TRIM37: variants seen among roughly 807,000 people sequenced by gnomAD.
The protein encoded by TRIM37 is E3 ubiquitin-protein ligase TRIM37.
A neutral mutation model predicts 129.8 loss-of-function variants in TRIM37; 80 were observed. The observed-to-expected ratio is 0.62, with a 90% CI of 0.51 to 0.74. The LOEUF (loss-of-function observed/expected upper bound fraction) is 0.74, where lower values mean the gene tolerates loss of function less well. Among genes scored for constraint, TRIM37 ranks in the 30% least tolerant of loss-of-function variants. TRIM37 has a pLI of 0.00. For missense variants in TRIM37, 1,054 were observed against 1,176.5 expected, an observed-to-expected ratio of 0.90 and a Z score of 1.52; for synonymous variants, 389 against 387.1, an observed-to-expected ratio of 1.00 and a Z score of -0.06.
chr17:59,102,885 T>C (rs2045636978), intron 2 of TRIM37, among the ~76,000 whole-genome samples: 1 of 152,220 alleles, frequency 6.6e-6, no homozygotes, highest in South Asian at 2.1e-4. Flanking sequence ...AAATTTTTTT[T>C]TTTTTTGAGA....
chr17:59,031,831 G>A lies in TRIM37; in HGVS notation c.1948+65C>T, dbSNP rs1363034133. ...CCACACATAGCTGAAATACTTAAAT[G>A]AAAATCCAAGAGTTCTTTTAGAGAA... On this transcript the variant is annotated intron_variant, in intron 18 of 23. Coordinates refer to ENST00000262294, the MANE Select transcript of TRIM37 (RefSeq NM_015294.6). 7.2e-6 allele frequency: 11 copies of A among 1,527,396 alleles called. No homozygotes were observed. In the East Asian group the frequency reaches 2.5e-4, roughly 34 times the overall value. 94.6% of individuals were successfully genotyped at this position (1,527,396 alleles called of 1,614,324 possible).
At chr17:59,097,441 C>G (rs1035384193) in intron 2 of TRIM37, among the ~76,000 whole-genome samples, 2 of 151,832 alleles carry the variant, frequency 1.3e-5, no homozygotes, top group African/African-American at 4.8e-5. Flanking sequence ...TTACAGGAGA[C>G]AAACACACAA....
the TRIM37 span, among the ~76,000 whole-genome samples, chr17:58,975,459 A>T: frequency 6.6e-6 from 1 of 152,208 alleles, no homozygotes; most frequent in Non-Finnish European, 1.5e-5. Context: ...CAACATAGTG[A>T]TACCTCATCT....
At chr17:58,972,155 A>T in the TRIM37 span, 1 of 1,614,032 alleles carries the variant, frequency 6.2e-7, no homozygotes, top group Non-Finnish European at 8.5e-7. Flanking sequence ...GGACCACAGG[A>T]GTGGTGACTT....
intron 12 of TRIM37, among the ~76,000 whole-genome samples, 200 bp downstream of exon 12, chr17:59,060,832 T>C (rs1484418757): frequency 1.3e-5 from 2 of 152,178 alleles, no homozygotes; most frequent in Non-Finnish European, 2.9e-5. Context: ...AAGAGATTTC[T>C]AAAAACGCAA....
chr17:59,034,076 T>G (rs2038189288), intron 17 of TRIM37, among the ~76,000 whole-genome samples: 1 of 150,696 alleles, frequency 6.6e-6, no homozygotes, highest in Admixed American at 6.6e-5. Context: ...CACTGCACTC[T>G]AGTCTGGTTG....
chr17:59,106,322 A>G, intron 1 of TRIM37, 119 bp downstream of exon 1: 3 of 1,222,966 alleles, frequency 2.5e-6, no homozygotes, highest in Non-Finnish European at 3.6e-6. Context: ...CCCTCTCCAC[A>G]GCGGCAGGGG....
intron 16 of TRIM37, among the ~76,000 whole-genome samples, chr17:59,045,852 T>C (rs2039737652): frequency 6.6e-6 from 1 of 151,344 alleles, no homozygotes; most frequent in African/African-American, 2.4e-5. Flanking sequence ...CCGTCTCCAC[T>C]AAAAATACAA....
chr17:59,070,751 A>G (rs1332739684), intron 9 of TRIM37, 72 bp downstream of exon 9: 1 of 1,495,680 alleles, frequency 6.7e-7, no homozygotes, highest in Non-Finnish European at 9.2e-7. Context: ...AAAAAAAAAC[A>G]TTCTTTTGAA....
downstream of TRIM37, chr17:58,980,775 G>A (rs770018116): frequency 1.5e-5 from 24 of 1,613,936 alleles, no homozygotes; most frequent in East Asian, 6.7e-5. This position sits in a 1 kb window ranked among gnomAD's most constrained non-coding sequence, Gnocchi z 4.7. Flanking sequence ...TCTCATTTAC[G>A]CCACCACTAC....
downstream of TRIM37, among the ~76,000 whole-genome samples, chr17:58,979,020 A>G (rs558079799): frequency 9.9e-5 from 15 of 152,214 alleles, no homozygotes; most frequent in East Asian, 5.8e-4. Context: ...TGTTCCCTCA[A>G]TTGAGGCAAC....
At position 59,042,431 on chromosome 17, in the gene TRIM37, T is replaced by A. The variant is rs12936352; in HGVS notation, c.1668-533A>T. Reference sequence around the variant, plus strand: ...TAGAAAGCTAAGAAAAAAAGGAATTTAAAAAAAAAAAAAAAAAAATATATA... The same window carrying A: ...TAGAAAGCTAAGAAAAAAAGGAATTAAAAAAAAAAAAAAAAAAAATATATA... On this transcript the variant is annotated intron_variant, in intron 16 of 23. Transcript: ENST00000262294. 4.0e-3 allele frequency among the ~76,000 whole-genome samples: 305 copies of A among 76,594 alleles called. 5 individuals carry two copies. Among genetic ancestry groups the A allele is most frequent in the African/African-American group, 0.01 (151 of 14,832 alleles). 50.2% of individuals were successfully genotyped at this position (76,594 alleles called of 152,430 possible).
At chr17:59,037,717 G>C (rs2038706514) in intron 17 of TRIM37, among the ~76,000 whole-genome samples, 1 of 151,362 alleles carries the variant, frequency 6.6e-6, no homozygotes, top group South Asian at 2.1e-4. Flanking sequence ...TGGTATATTT[G>C]TCACAACTAA....
In TRIM37 at chr17:58,999,124, T is replaced by TA; in HGVS notation, c.*252dup. 1 of 1,298,016 alleles carries TA rather than the reference T, an allele frequency of 7.7e-7. No homozygotes were observed. Among genetic ancestry groups the TA allele is most frequent in the Non-Finnish European group, 9.8e-7 (1 of 1,018,864 alleles). 80.4% of individuals were successfully genotyped at this position (1,298,016 alleles called of 1,614,324 possible). A position where few individuals can be genotyped will look rare whatever the true frequency, so the allele number is the denominator to read the frequency against. On this transcript the variant is annotated 3_prime_UTR_variant, in exon 24 of 24. Coordinates refer to ENST00000262294, the MANE Select transcript of TRIM37 (RefSeq NM_015294.6). Reference sequence around the variant, plus strand: ...GCCTTTTGTGAATGTACAAATTTGCTAAATTAATAGAGAACTACATTGTTA... The same window carrying TA: ...GCCTTTTGTGAATGTACAAATTTGCTAAAATTAATAGAGAACTACATTGTTA...
At chr17:59,015,487 AT>A in intron 21 of TRIM37, 122 bp downstream of exon 21, 1 of 1,020,972 alleles carries the variant, frequency 9.8e-7, no homozygotes, top group Non-Finnish European at 1.5e-6. Context: ...CAATAAATGT[AT>A]TTTCTGTCCA....
chr17:59,033,121 GAGAT>G (rs1163945209), intron 17 of TRIM37, among the ~76,000 whole-genome samples: 1 of 152,092 alleles, frequency 6.6e-6, no homozygotes, highest in Non-Finnish European at 1.5e-5. Flanking sequence ...ATATTTTAAA[GAGAT>G]AGAACATTTT....
At chr17:59,047,903 C>A (rs959825618) in intron 15 of TRIM37, 84 bp from the exon 16 acceptor site, 2 of 1,521,608 alleles carry the variant, frequency 1.3e-6, no homozygotes, top group African/African-American at 2.7e-5. Context: ...AAACCAAGCA[C>A]CAAAGAATAA....
intron 18 of TRIM37, among the ~76,000 whole-genome samples, chr17:59,030,520 C>T (rs1456108389): frequency 1.3e-5 from 2 of 152,138 alleles, no homozygotes; most frequent in African/African-American, 2.4e-5. Context: ...CTATTTTCCC[C>T]GCCCTCATTA....
At chr17:59,049,439 A>C in intron 14 of TRIM37, 46 bp from the exon 15 acceptor site, 1 of 1,515,726 alleles carries the variant, frequency 6.6e-7, no homozygotes, top group Non-Finnish European at 9.1e-7. Context: ...GCTCACTGGC[A>C]CAGTAAAAGA....
Sources: allele counts gnomAD v4.1 joint callset (sites outside exome capture counted in the v4.1 genomes callset), GRCh38; gene constraint gnomAD v4.1.1; non-coding constraint Gnocchi (gnomAD v3.1); transcripts MANE v1.5; gene names NCBI Gene and HGNC (gene_info 2026-07-23, HGNC 2026-07-21).